Variants in COL20A1 observed in about 807,000 individuals in gnomAD.
COL20A1 encodes the protein collagen alpha-1(XX) chain.
In COL20A1, 164 loss-of-function variants were observed where a neutral mutation model predicts 152.9. That is an observed-to-expected ratio of 1.07 (90% CI 0.94 to 1.22). The LOEUF is 1.22. Ranked by LOEUF, COL20A1 falls within the 50% of genes most tolerant of loss-of-function variation. The probability of loss-of-function intolerance (pLI) is 0.00; values close to 1 mark genes in which losing one functional copy is unlikely to be tolerated. For synonymous variants in COL20A1, 864 were observed against 756.0 expected (o/e 1.14, Z -2.34); for missense variants, 1,873 against 1,744.8 (o/e 1.07, Z -1.31).
Position 63,328,126 on chromosome 20 carries a change from C to T in COL20A1, c.3612C>T (p.Ala1204=). The change falls in exon 33 of 36, where the codon GCC becomes GCT. Residue 1204 remains alanine (A), a splice_region_variant and synonymous_variant. Transcript: ENST00000358894. ...LATLYQLVSQ[A]SHVSKFDSFH... is the part of the protein sequence containing the mutation. Reference sequence around the variant, plus strand: ...CCCTCTACCAGCTTGTGAGCCAGGCCTGTGAGTCTGCCATTCAGAGTGAGT... The same window carrying T: ...CCCTCTACCAGCTTGTGAGCCAGGCTTGTGAGTCTGCCATTCAGAGTGAGT... 1 of 1,613,114 alleles carries T rather than the reference C, an allele frequency of 6.2e-7. No homozygotes were observed. Among genetic ancestry groups the T allele is most frequent in the South Asian group, 1.1e-5 (1 of 91,006 alleles).
At chr20:63,321,453 T>G (rs1169492430) in intron 26 of COL20A1, among the ~76,000 whole-genome samples, 1 of 152,196 alleles carries the variant, frequency 6.6e-6, no homozygotes, top group Non-Finnish European at 1.5e-5. Flanking sequence ...ATCCAGTGTT[T>G]CTGAAGTGTG....
chr20:63,327,315 T>G (rs915740670), intron 31 of COL20A1: 1 of 173,428 alleles, frequency 5.8e-6, no homozygotes, highest in Non-Finnish European at 1.2e-5. Context: ...GTTGGAGGCC[T>G]GTTCTGAGCT....
At position 63,320,122 on chromosome 20, in the gene COL20A1, C is replaced by T. The variant is rs1221510382; in HGVS notation, c.3000C>T (p.Gly1000=). ...KVAERPLGEM[G]SPPAAGFVTL... The stretch of plus-strand genomic sequence containing the variant: ...CTGAGCGGCCCCTTGGGGAGATGGG[C>T]AGCCCACCCGCTGCGGGCTTCGTCA... Residue 1000 remains glycine (G), a synonymous_variant, in exon 24 of 36, where the codon GGC becomes GGT. Coordinates refer to ENST00000358894, the MANE Select transcript of COL20A1 (RefSeq NM_020882.4). 1 of 1,550,164 alleles carries T rather than the reference C, an allele frequency of 6.5e-7. No individual in the cohort carries two copies. Among genetic ancestry groups the T allele is most frequent in the Non-Finnish European group, 8.7e-7 (1 of 1,147,400 alleles).
rs969488147 is a variant in COL20A1, at chr20:63,319,670, G to A, written c.2916+74G>A. 5.8e-5 allele frequency: 58 copies of A among 999,368 alleles called. No individual in the cohort carries two copies. Among genetic ancestry groups the A allele is most frequent in the African/African-American group, 1.4e-4 (9 of 62,480 alleles). 61.9% of individuals were successfully genotyped at this position (999,368 alleles called of 1,614,324 possible). A position where few individuals can be genotyped will look rare whatever the true frequency, so the allele number is the denominator to read the frequency against. On this transcript the variant is annotated intron_variant, in intron 23 of 35. Coordinates refer to ENST00000358894, the MANE Select transcript of COL20A1 (RefSeq NM_020882.4). The surrounding 1 kb of genome is among the most constrained non-coding windows in gnomAD (Gnocchi z 4.4). ...CAGCCCAGCCCCACAGGGACCTGCC[G>A]GATGCCAACTCCTCTCCCTAGGAGA...
Position 63,320,043 on chromosome 20 carries a change from A to G in COL20A1, c.2921A>G (p.His974Arg), listed in dbSNP as rs371022180. 1.3e-6 allele frequency: 2 copies of G among 1,553,508 alleles called. No homozygotes were observed. Among genetic ancestry groups the G allele is most frequent in the Admixed American group, 3.9e-5 (2 of 51,462 alleles). Residue 974 changes from histidine (H) to arginine (R), a missense_variant, in exon 24 of 36, where the codon CAC (histidine) becomes CGC (arginine). Coordinates refer to ENST00000358894, the MANE Select transcript of COL20A1 (RefSeq NM_020882.4). The part of the protein sequence containing the change: ...KIFFGSFHKV[H>R]VAVGRSKVRL... ...ACCTCCCGTGCCGTCTCACAGGTGC[A>G]CGTGGCTGTGGGCCGCTCCAAGGTC... is the stretch of plus-strand genomic sequence containing the variant.
intron 1 of COL20A1, 114 bp from the exon 2 acceptor site, chr20:63,294,984 C>CG: frequency 1.5e-6 from 1 of 655,986 alleles, no homozygotes; most frequent in Non-Finnish European, 2.7e-6. Context: ...GGGTGGAGCC[C>CG]GGTGTGGGGA....
intron 19 of COL20A1, among the ~76,000 whole-genome samples, chr20:63,314,945 C>T (rs918507188): frequency 6.6e-6 from 1 of 151,256 alleles, no homozygotes; most frequent in Non-Finnish European, 1.5e-5. Flanking sequence ...TCTCCTCACA[C>T]CAGGCATCTC....
At chr20:63,312,271 C>T in intron 14 of COL20A1, 149 bp from the exon 15 acceptor site, 1 of 1,110,764 alleles carries the variant, frequency 9.0e-7, no homozygotes, top group Non-Finnish European at 1.2e-6. Flanking sequence ...AGTTCTGTTG[C>T]CCTCCCATCC....
At chr20:63,322,848 C>A (rs866690794) in intron 27 of COL20A1, among the ~76,000 whole-genome samples, 73 of 152,376 alleles carry the variant, frequency 4.8e-4, no homozygotes, top group Non-Finnish European at 6.6e-4. Context: ...CAAAGACGTG[C>A]GCCTGGCTCT....
At chr20:63,328,243 A>T in intron 33 of COL20A1, 88 bp from the exon 34 acceptor site, 2 of 1,552,992 alleles carry the variant, frequency 1.3e-6, no homozygotes, top group Non-Finnish European at 1.8e-6. Flanking sequence ...TCGTTAGCAC[A>T]CCTGGGCCAG....
Position 63,308,023 on chromosome 20 carries a change from C to G in COL20A1, c.708C>G (p.Leu236=). 1 of 1,612,604 alleles carries G rather than the reference C, an allele frequency of 6.2e-7. No homozygotes were observed. The highest frequency in any genetic ancestry group is 1.7e-5 in the Admixed American group (1 of 60,012). Residue 236 remains leucine (L), a synonymous_variant, in exon 7 of 36, where the codon CTC becomes CTG. Transcript: ENST00000358894. The part of the protein sequence containing the change: ...DAQTEWDLNS[L]STKEQVLAAV... ...AGACTGAGTGGGACCTGAACTCCCTCAGCACCAAGGAACAGGTGCTGGCAG... is the reference window on the plus strand; with the variant it reads ...AGACTGAGTGGGACCTGAACTCCCTGAGCACCAAGGAACAGGTGCTGGCAG...
Position 63,309,406 on chromosome 20 carries a change from G to T in COL20A1, c.1014G>T (p.Val338=). 6.4e-7 allele frequency: 1 copy of T among 1,559,794 alleles called. No homozygotes were observed. The highest frequency in any genetic ancestry group is 8.7e-7 in the Non-Finnish European group (1 of 1,151,796). Residue 338 remains valine (V), a synonymous_variant, in exon 9 of 36, where the codon GTG becomes GTT. Coordinates refer to ENST00000358894, the MANE Select transcript of COL20A1 (RefSeq NM_020882.4). ...CGAGGGACATCACCGTCCACAGCGT[G>T]CTGGACTTCCTGCAGCTCGGCGCGC... ...SPPRDITVHS[V]LDFLQLGALA... is the part of the protein sequence containing the mutation.
intron 21 of COL20A1, among the ~76,000 whole-genome samples, chr20:63,317,954 G>T (rs1398186131): frequency 6.6e-6 from 1 of 152,046 alleles, no homozygotes; most frequent in Non-Finnish European, 1.5e-5. Context: ...AGCTCTGATC[G>T]CCTGCAGCCC....
chr20:63,320,135 G>A lies in COL20A1; in HGVS notation c.3013G>A (p.Ala1005Thr). The change falls in exon 24 of 36, where the codon GCG becomes ACG. Residue 1005 changes from alanine to threonine, a missense_variant. Transcript: ENST00000358894. ...PLGEMGSPPA[A>T]GFVTLGRLAK... ...TGGGGAGATGGGCAGCCCACCCGCT[G>A]CGGGCTTCGTCACGCTGGGGAGGCT... 6.4e-7 allele frequency: 1 copy of A among 1,550,404 alleles called. No individual in the cohort carries two copies. The highest frequency in any genetic ancestry group is 8.7e-7 in the Non-Finnish European group (1 of 1,147,756).
chr20:63,329,852 ATGTGGGGTCACAGGG>A (rs527362017), intron 35 of COL20A1, among the ~76,000 whole-genome samples, 191 bp downstream of exon 35: 296 of 152,246 alleles, frequency 1.9e-3, no homozygotes, highest in African/African-American at 6.7e-3. Context: ...GGCAACAGGA[ATGTGGGGTCACAGGG>A]TGTGGGGTCA....
chr20:63,297,128 G>A (rs564670163), intron 2 of COL20A1, among the ~76,000 whole-genome samples: 213 of 152,360 alleles, frequency 1.4e-3, no homozygotes, highest in Non-Finnish European at 2.3e-3. Flanking sequence ...CACACTTCCA[G>A]TGTGGGATTC....
In COL20A1 at chr20:63,309,787, G is replaced by A; in HGVS notation, c.1135G>A (p.Ala379Thr). 3.8e-6 allele frequency: 6 copies of A among 1,598,884 alleles called. No individual in the cohort carries two copies. The highest frequency in any genetic ancestry group is 5.1e-6 in the Non-Finnish European group (6 of 1,173,972). The change falls in exon 10 of 36, where the codon GCC becomes ACC. Residue 379 changes from alanine to threonine, a missense_variant. Transcript: ENST00000358894. ...AAAPALDTLP[A>T]PTSLVLSQVT... ...GGCTCCAGCCCTGGACACCCTCCCT[G>A]CCCCCACCAGCCTGGTCCTGAGCCA...
In COL20A1 at chr20:63,320,373, GC is replaced by G; in HGVS notation, c.3153+9del. On this transcript the variant is annotated splice_donor_region_variant and intron_variant, in intron 25 of 35. Transcript: ENST00000358894. Reference sequence around the variant, plus strand: ...TGCTGTGAGCTCCCTGCCTCGGTGTGCCCCGTCCCTTGCCCCTGTTCCACGA... The same window carrying G: ...TGCTGTGAGCTCCCTGCCTCGGTGTGCCCGTCCCTTGCCCCTGTTCCACGA... 6.2e-7 allele frequency: 1 copy of G among 1,610,624 alleles called. No homozygotes were observed.
intron 2 of COL20A1, among the ~76,000 whole-genome samples, chr20:63,295,979 C>T (rs1297869738): frequency 6.6e-6 from 1 of 152,286 alleles, no homozygotes; most frequent in African/African-American, 2.4e-5. Context: ...GCAGCTCCCC[C>T]TTCTACTGTG....
Sources: allele counts gnomAD v4.1 joint callset (sites outside exome capture counted in the v4.1 genomes callset), GRCh38; gene constraint gnomAD v4.1.1; non-coding constraint Gnocchi (gnomAD v3.1); transcripts MANE v1.5; gene names NCBI Gene and HGNC (gene_info 2026-07-23, HGNC 2026-07-21).